The following HDGFL1 variants were observed in gnomAD, a reference collection of about 807,000 sequenced individuals.
The protein encoded by HDGFL1 is hepatoma-derived growth factor-like protein 1.
For synonymous variants in HDGFL1, 190 were observed against 165.1 expected (o/e 1.15, Z -1.16); for missense variants, 422 against 365.3 (o/e 1.16, Z -1.27).
rs1232519639 is a variant in HDGFL1, at chr6:22,571,553, C to CCTCT, written c.*1224_*1227dup. On this transcript the variant is annotated 3_prime_UTR_variant, in exon 1 of 1. Coordinates refer to ENST00000510882, the MANE Select transcript of HDGFL1 (RefSeq NM_138574.4). ...ATCTATTGTCTCTTTCACCCCTTCC[C>CCTCT]CTCTCCCTTGGGCTCTGATGAAAAA... The CCTCT allele has an allele frequency of 6.0e-6, 1 of 167,116 alleles. No homozygotes were observed. Among genetic ancestry groups the CCTCT allele is most frequent in the African/African-American group, 2.4e-5 (1 of 41,448 alleles). The allele number at this position is 167,116 out of a possible 1,614,324, so 10.4% of individuals were successfully genotyped here.
rs200633247 is a variant in HDGFL1 at position 22,570,161 on chromosome 6, C to G, written c.586C>G (p.Pro196Ala). Residue 196 changes from proline (P) to alanine (A), a missense_variant, in exon 1 of 1, where the codon CCG becomes GCG. Coordinates refer to ENST00000510882, the MANE Select transcript of HDGFL1 (RefSeq NM_138574.4). ...GGCGACGGCCGTCGACGAGGAGAGT[C>G]CGTTCCTCGTGGCGGTGGAGAACGG... ...AAATAVDEES[P>A]FLVAVENGSA... 559 of 1,557,144 alleles carry G rather than the reference C, an allele frequency of 3.6e-4. No homozygotes were observed. Among genetic ancestry groups the G allele is most frequent in the African/African-American group, 3.5e-3 (254 of 73,256 alleles).
Position 22,569,674 on chromosome 6 carries a change from C to G in HDGFL1, c.99C>G (p.Thr33=). ...GGCCGGCGAGGATAGAGCACATGACCCAGCCCAACCGCTACCAGGTGTTTT... is the reference window on the plus strand; with the variant it reads ...GGCCGGCGAGGATAGAGCACATGACGCAGCCCAACCGCTACCAGGTGTTTT... ...AHWPARIEHM[T]QPNRYQVFFF... Residue 33 remains threonine, a synonymous_variant, in exon 1 of 1, where the codon ACC becomes ACG. Transcript: ENST00000510882. 6.2e-7 allele frequency: 1 copy of G among 1,614,166 alleles called. No individual in the cohort carries two copies. The highest frequency in any genetic ancestry group is 8.5e-7 in the Non-Finnish European group (1 of 1,180,040).
chr6:22,570,345 C>G lies in HDGFL1; in HGVS notation c.*14C>G. The G allele has an allele frequency of 1.4e-6, 2 of 1,446,508 alleles. No individual in the cohort carries two copies. Among genetic ancestry groups the G allele is most frequent in the South Asian group, 3.0e-5 (2 of 67,254 alleles). 89.6% of individuals were successfully genotyped at this position (1,446,508 alleles called of 1,614,324 possible). A position where few individuals can be genotyped will look rare whatever the true frequency, so the allele number is the denominator to read the frequency against. On this transcript the variant is annotated 3_prime_UTR_variant, in exon 1 of 1. Coordinates refer to ENST00000510882, the MANE Select transcript of HDGFL1 (RefSeq NM_138574.4). ...GACAGCCTGTAGTTACCAGCGTTTCCAGAAGAGCCCCTGCCCCGTTCCTGC... is the reference window on the plus strand; with the variant it reads ...GACAGCCTGTAGTTACCAGCGTTTCGAGAAGAGCCCCTGCCCCGTTCCTGC...
chr6:22,569,934 C>G lies in HDGFL1; in HGVS notation c.359C>G (p.Thr120Ser). The G allele has an allele frequency of 6.4e-7, 1 of 1,553,768 alleles. No homozygotes were observed. ...EAAEGDEDKP[T>S]HAGGGGDELG... is the part of the protein sequence containing the mutation. ...GCAGAGGGCGACGAGGACAAGCCGA[C>G]CCACGCTGGTGGCGGCGGCGACGAA... The change falls in exon 1 of 1, where the codon ACC becomes AGC. Residue 120 changes from threonine to serine, a missense_variant. By Grantham distance (58) the Thr-to-Ser change is moderately conservative (BLOSUM62 1). Transcript: ENST00000510882.
In HDGFL1 at chr6:22,570,195, C is replaced by A. The variant is rs950580734; in HGVS notation, c.620C>A (p.Pro207His). 5 of 1,564,854 alleles carry A rather than the reference C, an allele frequency of 3.2e-6. No individual in the cohort carries two copies. Among genetic ancestry groups the A allele is most frequent in the Non-Finnish European group, 3.4e-6 (4 of 1,160,324 alleles). ...FLVAVENGSA[P>H]SEPGLVCEPP... ...GTGGCGGTGGAGAACGGCAGCGCCC[C>A]TAGCGAGCCGGGCCTGGTCTGCGAG... is the stretch of plus-strand genomic sequence containing the variant. The change falls in exon 1 of 1, where the codon CCT becomes CAT. Residue 207 changes from proline (P) to histidine (H), a missense_variant. By Grantham distance (77) the Pro-to-His change is moderately conservative (BLOSUM62 -2). Coordinates refer to ENST00000510882, the MANE Select transcript of HDGFL1 (RefSeq NM_138574.4).
chr6:22,571,517 T>C lies in HDGFL1; in HGVS notation c.*1186T>C, dbSNP rs558546139. 1 of 167,172 alleles carries C rather than the reference T, an allele frequency of 6.0e-6. No homozygotes were observed. Among genetic ancestry groups the C allele is most frequent in the African/African-American group, 2.4e-5 (1 of 41,480 alleles). 10.4% of individuals were successfully genotyped at this position (167,172 alleles called of 1,614,324 possible). On this transcript the variant is annotated 3_prime_UTR_variant, in exon 1 of 1. Coordinates refer to ENST00000510882, the MANE Select transcript of HDGFL1 (RefSeq NM_138574.4). ...CCCACCCTCTTCCTAATGGTCATTA[T>C]GCCTTTCTCCATCTATTGTCTCTTT... is the stretch of plus-strand genomic sequence containing the variant.
Position 22,570,676 on chromosome 6 carries a change from G to A in HDGFL1, c.*345G>A, listed in dbSNP as rs1760910644. ...TTGCCTGATTCCGTTTCCGACTTGGGGTTCAGGCAGGCTGTTTTCACCTCT... is the reference window on the plus strand; with the variant it reads ...TTGCCTGATTCCGTTTCCGACTTGGAGTTCAGGCAGGCTGTTTTCACCTCT... On this transcript the variant is annotated 3_prime_UTR_variant, in exon 1 of 1. Coordinates refer to ENST00000510882, the MANE Select transcript of HDGFL1 (RefSeq NM_138574.4). The A allele has an allele frequency of 3.6e-6, 1 of 275,402 alleles. No homozygotes were observed. Among genetic ancestry groups the A allele is most frequent in the Non-Finnish European group, 7.0e-6 (1 of 143,482 alleles). The allele number at this position is 275,402 out of a possible 1,614,324, so 17.1% of individuals were successfully genotyped here. A position where few individuals can be genotyped will look rare whatever the true frequency, so the allele number is the denominator to read the frequency against.
rs981201823 is a variant in HDGFL1, at chr6:22,570,025, G to C, written c.450G>C (p.Gly150=). The C allele has an allele frequency of 1.3e-6, 2 of 1,547,154 alleles. No individual in the cohort carries two copies. Among genetic ancestry groups the C allele is most frequent in the African/African-American group, 1.4e-5 (1 of 72,970 alleles). ...EEKGPLKRSA[G]DPPEDAPKRP... ...AGGGGCCGCTGAAGAGGAGCGCGGGGGACCCGCCGGAGGACGCCCCCAAAC... is the reference window on the plus strand; with the variant it reads ...AGGGGCCGCTGAAGAGGAGCGCGGGCGACCCGCCGGAGGACGCCCCCAAAC... The change falls in exon 1 of 1, where the codon GGG becomes GGC. Residue 150 remains glycine (G), a synonymous_variant. Transcript: ENST00000510882.
rs773369765 is a variant in HDGFL1 at position 22,569,574 on chromosome 6, C to G, written c.-2C>G. 6.2e-7 allele frequency: 1 copy of G among 1,611,270 alleles called. No individual in the cohort carries two copies. The stretch of plus-strand genomic sequence containing the variant: ...GCCCAGGCGGGGTCCGCAGAACCAG[C>G]TATGTCGGCCTACGGCATGCCCATG... On this transcript the variant is annotated 5_prime_UTR_variant, in exon 1 of 1. Coordinates refer to ENST00000510882, the MANE Select transcript of HDGFL1 (RefSeq NM_138574.4).
Position 22,569,930 on chromosome 6 carries a change from C to A in HDGFL1, c.355C>A (p.Pro119Thr). Residue 119 changes from proline to threonine, a missense_variant, in exon 1 of 1, where the codon CCG becomes ACG. Coordinates refer to ENST00000510882, the MANE Select transcript of HDGFL1 (RefSeq NM_138574.4). ...GGCCGCAGAGGGCGACGAGGACAAG[C>A]CGACCCACGCTGGTGGCGGCGGCGA... Reference protein sequence around the residue: ...PEAAEGDEDKPTHAGGGGDEL... With the variant: ...PEAAEGDEDKTTHAGGGGDEL... The A allele has an allele frequency of 6.4e-7, 1 of 1,553,794 alleles. No homozygotes were observed. The highest frequency in any genetic ancestry group is 8.7e-7 in the Non-Finnish European group (1 of 1,148,934).
In HDGFL1 at chr6:22,571,064, A is replaced by G. The variant is rs1016624478; in HGVS notation, c.*733A>G. ...ATCTGAAAACTTAACTTTGCCCAAT[A>G]TCCTGGTTGGGGACCGTGAGAAATA... is the stretch of plus-strand genomic sequence containing the variant. On this transcript the variant is annotated 3_prime_UTR_variant, in exon 1 of 1. Coordinates refer to ENST00000510882, the MANE Select transcript of HDGFL1 (RefSeq NM_138574.4). 6.0e-6 allele frequency: 1 copy of G among 166,990 alleles called. No individual in the cohort carries two copies. Among genetic ancestry groups the G allele is most frequent in the African/African-American group, 2.4e-5 (1 of 41,432 alleles). The allele number at this position is 166,990 out of a possible 1,614,324, so 10.3% of individuals were successfully genotyped here. A position where few individuals can be genotyped will look rare whatever the true frequency, so the allele number is the denominator to read the frequency against.
In HDGFL1 at chr6:22,570,255, A is replaced by G; in HGVS notation, c.680A>G (p.Glu227Gly). 6.4e-7 allele frequency: 1 copy of G among 1,550,398 alleles called. No homozygotes were observed. Among genetic ancestry groups the G allele is most frequent in the Non-Finnish European group, 8.7e-7 (1 of 1,154,960 alleles). The change falls in exon 1 of 1, where the codon GAA (glutamate) becomes GGA (glycine). Residue 227 changes from glutamate to glycine, a missense_variant. Glu to Gly is a moderately conservative substitution (Grantham distance 98, BLOSUM62 -2). Transcript: ENST00000510882. ...CCAGAGGAGGAGGAGCTCCGGGAGG[A>G]AGAAGTCGCGGACGAGGAGGCCTCC... ...PQPEEEELREEEVADEEASQE... is the reference protein window; with the variant it reads ...PQPEEEELREGEVADEEASQE...
In HDGFL1 at chr6:22,570,043, C is replaced by G; in HGVS notation, c.468C>G (p.Ala156=). Residue 156 remains alanine (A), a synonymous_variant, in exon 1 of 1, where the codon GCC becomes GCG. Coordinates refer to ENST00000510882, the MANE Select transcript of HDGFL1 (RefSeq NM_138574.4). ...GCGCGGGGGACCCGCCGGAGGACGC[C>G]CCCAAACGACCCAAGGAGGCAGCCC... is the stretch of plus-strand genomic sequence containing the variant. ...KRSAGDPPED[A]PKRPKEAAPD... 3 of 1,546,096 alleles carry G rather than the reference C, an allele frequency of 1.9e-6. No homozygotes were observed. Among genetic ancestry groups the G allele is most frequent in the Non-Finnish European group, 8.7e-7 (1 of 1,145,702 alleles).
Position 22,570,020 on chromosome 6 carries a change from GCGGGGGACCCGC to G in HDGFL1, c.449_460del (p.Gly150_Pro153del). On this transcript the variant is annotated inframe_deletion, in exon 1 of 1. Transcript: ENST00000510882. ...GGAGAAGGGGCCGCTGAAGAGGAGCGCGGGGGACCCGCCGGAGGACGCCCCCAAACGACCCAA... is the reference window on the plus strand; with the variant it reads ...GGAGAAGGGGCCGCTGAAGAGGAGCGCGGAGGACGCCCCCAAACGACCCAA... 3 of 1,547,648 alleles carry G rather than the reference GCGGGGGACCCGC, an allele frequency of 1.9e-6. No homozygotes were observed. Among genetic ancestry groups the G allele is most frequent in the Non-Finnish European group, 2.6e-6 (3 of 1,146,452 alleles).
rs534951625 is a variant in HDGFL1, at chr6:22,570,102, C to T, written c.527C>T (p.Ala176Val). ...DQEEEAEAERAAEAERAAAAA... is the reference protein window; with the variant it reads ...DQEEEAEAERVAEAERAAAAA... ...GAGGAGGAGGCGGAGGCGGAGAGGGCGGCGGAAGCGGAGAGGGCGGCGGCG... is the reference window on the plus strand; with the variant it reads ...GAGGAGGAGGCGGAGGCGGAGAGGGTGGCGGAAGCGGAGAGGGCGGCGGCG... Residue 176 changes from alanine to valine, a missense_variant, in exon 1 of 1, where the codon GCG (alanine) becomes GTG (valine). Coordinates refer to ENST00000510882, the MANE Select transcript of HDGFL1 (RefSeq NM_138574.4). 27 of 1,534,966 alleles carry T rather than the reference C, an allele frequency of 1.8e-5. No individual in the cohort carries two copies. In the African/African-American group the frequency reaches 3.0e-4, roughly 17 times the overall value.
chr6:22,570,316 T>C lies in HDGFL1; in HGVS notation c.741T>C (p.Asp247=). ...EWHAEAPGGG[D]RDSL is the part of the protein sequence containing the mutation. The stretch of plus-strand genomic sequence containing the variant: ...ATGCCGAGGCACCGGGCGGCGGAGA[T>C]CGCGACAGCCTGTAGTTACCAGCGT... Residue 247 remains aspartate (D), a synonymous_variant, in exon 1 of 1, where the codon GAT becomes GAC. Transcript: ENST00000510882. 6.8e-7 allele frequency: 1 copy of C among 1,479,264 alleles called. No homozygotes were observed. The highest frequency in any genetic ancestry group is 8.9e-7 in the Non-Finnish European group (1 of 1,117,686). 91.6% of individuals were successfully genotyped at this position (1,479,264 alleles called of 1,614,324 possible).
At position 22,569,762 on chromosome 6, in the gene HDGFL1, AAGG is replaced by A. The variant is rs773689579; in HGVS notation, c.190_192del (p.Glu64del). 1.8e-5 allele frequency: 29 copies of A among 1,613,986 alleles called. No individual in the cohort carries two copies. The highest frequency in any genetic ancestry group is 2.2e-5 in the Non-Finnish European group (26 of 1,180,034). On this transcript the variant is annotated inframe_deletion, in exon 1 of 1. Transcript: ENST00000510882. ...ACGCCTGTTCCCGTACAAGGAGTGC[AAGG>A]AGAAGTTCGGCAAGCCCAACAAGAG...
the HDGFL1 span, chr6:22,570,291 A>AT: frequency 3.3e-6 from 5 of 1,507,290 alleles, no homozygotes; most frequent in Non-Finnish European, 4.4e-6. Context: ...CAGGAGTGGC[A>AT]TGCCGAGGCA....
rs370846969 is a variant in HDGFL1, at chr6:22,570,112, G to C, written c.537G>C (p.Ala179=). ...CGGAGGCGGAGAGGGCGGCGGAAGC[G>C]GAGAGGGCGGCGGCGGCGGCGGCGG... is the stretch of plus-strand genomic sequence containing the variant. The part of the protein sequence containing the change: ...EEAEAERAAE[A]ERAAAAAAAT... The change falls in exon 1 of 1, where the codon GCG becomes GCC. Residue 179 remains alanine (A), a synonymous_variant. Transcript: ENST00000510882. 1 of 1,535,376 alleles carries C rather than the reference G, an allele frequency of 6.5e-7. No individual in the cohort carries two copies. The highest frequency in any genetic ancestry group is 2.1e-5 in the Admixed American group (1 of 47,328).
Sources: allele counts gnomAD v4.1 joint callset, GRCh38; gene constraint gnomAD v4.1.1; transcripts MANE v1.5; gene names NCBI Gene and HGNC (gene_info 2026-07-23, HGNC 2026-07-21).